PTBP2: variants seen among roughly 807,000 people sequenced by gnomAD.
PTBP2 encodes polypyrimidine tract binding protein 2.
In PTBP2, 13 loss-of-function variants were observed where a neutral mutation model predicts 61.4. The observed-to-expected ratio is 0.21, with a 90% CI of 0.14 to 0.34. The LOEUF (loss-of-function observed/expected upper bound fraction) is 0.34. PTBP2 is among the 10% of genes least tolerant of loss of function. The pLI is 1.00. For missense variants in PTBP2, 405 were observed against 642.6 expected (o/e 0.63, Z 4.00); for synonymous variants, 215 against 218.5 (o/e 0.98, Z 0.14).
chr1:96,758,390 C>T (rs187688504), intron 3 of PTBP2, among the ~76,000 whole-genome samples: 1 of 151,952 alleles, frequency 6.6e-6, no homozygotes, highest in Non-Finnish European at 1.5e-5. Flanking sequence ...GGAATACTAC[C>T]CTGTTCACTT....
chr1:96,823,171 G>A (rs550521163), exon 14 of PTBP2: 4 of 152,436 alleles, frequency 2.6e-5, no homozygotes, highest in Non-Finnish European at 5.9e-5. Flanking sequence ...ATGTTGGCCA[G>A]GCTGGTCTCG....
intron 2 of PTBP2, among the ~76,000 whole-genome samples, chr1:96,736,531 T>A (rs990770824): frequency 1.3e-5 from 2 of 152,156 alleles, no homozygotes; most frequent in Admixed American, 6.6e-5. Flanking sequence ...TAAGTTGATC[T>A]TCTACTTAAT....
At chr1:96,729,333 A>G (rs979810827) in intron 2 of PTBP2, among the ~76,000 whole-genome samples, 10 of 152,000 alleles carry the variant, frequency 6.6e-5, no homozygotes, top group African/African-American at 1.5e-4. Flanking sequence ...ATGCCATTAA[A>G]TTTTCTACAT....
chr1:96,783,049 T>C (rs1658867144), intron 7 of PTBP2, among the ~76,000 whole-genome samples: 1 of 152,034 alleles, frequency 6.6e-6, no homozygotes, highest in Admixed American at 6.6e-5. Context: ...AAATCTTTGC[T>C]CCAACAAGAT....
intron 2 of PTBP2, among the ~76,000 whole-genome samples, chr1:96,732,219 A>T (rs1023025199): frequency 3.9e-5 from 6 of 152,192 alleles, no homozygotes; most frequent in Admixed American, 2.0e-4. Context: ...AAATAATGCT[A>T]AATGTAACTT....
chr1:96,799,900 A>T (rs1304685267), intron 8 of PTBP2, among the ~76,000 whole-genome samples: 5 of 152,216 alleles, frequency 3.3e-5, no homozygotes, highest in Non-Finnish European at 5.9e-5. Flanking sequence ...AGTTTTTCAG[A>T]CAAAAGTATA....
intron 3 of PTBP2, among the ~76,000 whole-genome samples, chr1:96,764,910 A>G (rs767806142): frequency 1.3e-5 from 2 of 152,154 alleles, no homozygotes; most frequent in Non-Finnish European, 2.9e-5. Context: ...ACTACACCAC[A>G]CAACTACTTG....
chr1:96,812,468 T>A (rs887512356), intron 11 of PTBP2, among the ~76,000 whole-genome samples: 6 of 152,158 alleles, frequency 3.9e-5, no homozygotes, highest in Middle Eastern at 3.2e-3. Flanking sequence ...AGCAGGATTG[T>A]TGAGGAAGAT....
chr1:96,753,821 G>C (rs182561371), intron 3 of PTBP2, among the ~76,000 whole-genome samples: 1 of 152,260 alleles, frequency 6.6e-6, no homozygotes, highest in East Asian at 1.9e-4. Flanking sequence ...GGAACTAGTA[G>C]CAGATTGGAG....
At chr1:96,820,764 AAATT>A (rs1662661104) in exon 14 of PTBP2, 1 of 152,126 alleles carries the variant, frequency 6.6e-6, no homozygotes, top group Non-Finnish European at 1.5e-5. Context: ...GCCTTTTAAG[AAATT>A]AATTCTATCC....
chr1:96,752,417 A>G (rs2100917065), intron 3 of PTBP2, among the ~76,000 whole-genome samples: 1 of 152,298 alleles, frequency 6.6e-6, no homozygotes, highest in Middle Eastern at 3.4e-3. Context: ...TAATGTATAC[A>G]TACATCTTGA....
intron 3 of PTBP2, among the ~76,000 whole-genome samples, chr1:96,754,304 T>C (rs1344302061): frequency 6.6e-6 from 1 of 152,180 alleles, no homozygotes; most frequent in Non-Finnish European, 1.5e-5. Flanking sequence ...AAAAGGGCTC[T>C]CTCTTTTCCT....
intron 5 of PTBP2, among the ~76,000 whole-genome samples, chr1:96,772,185 C>G (rs992932685): frequency 2.0e-5 from 3 of 152,080 alleles, no homozygotes; most frequent in Non-Finnish European, 4.4e-5. Flanking sequence ...CCCACAACCC[C>G]CTTTTTGGAT....
In PTBP2 at chr1:96,806,885, G is replaced by C. The variant is rs778324764; in HGVS notation, c.1098G>C (p.Gln366His). The C allele has an allele frequency of 3.7e-6, 6 of 1,611,408 alleles. No individual in the cohort carries two copies. In the East Asian group the frequency reaches 1.1e-4, roughly 30 times the overall value. Reference sequence around the variant, plus strand: ...AAAAAGGTGTTTATGGAGATGTGCAGCGTGTGAAGATTTTATACAATAAGA... The same window carrying C: ...AAAAAGGTGTTTATGGAGATGTGCACCGTGTGAAGATTTTATACAATAAGA... ...FTLFGVYGDV[Q>H]RVKILYNKKD... The change falls in exon 11 of 14, where the codon CAG becomes CAC. Residue 366 changes from glutamine (Q) to histidine (H), a missense_variant. Coordinates refer to ENST00000674951, the MANE Select transcript of PTBP2 (RefSeq NM_021190.4).
chr1:96,757,728 A>G (rs561476992), intron 3 of PTBP2, among the ~76,000 whole-genome samples: 3 of 152,208 alleles, frequency 2.0e-5, no homozygotes, highest in South Asian at 4.1e-4. Flanking sequence ...CAGCTAATGT[A>G]TCTGACTGAC....
chr1:96,749,209 T>TAA (rs373586355), intron 2 of PTBP2, among the ~76,000 whole-genome samples: 44,140 of 151,764 alleles, frequency 0.29, 7,089 homozygotes, highest in South Asian at 0.44. Context: ...CTTGCTTTTC[T>TAA]ACTTGAGTAG....
intron 2 of PTBP2, among the ~76,000 whole-genome samples, chr1:96,734,071 G>A (rs1345628348): frequency 6.6e-6 from 1 of 152,132 alleles, no homozygotes; most frequent in Non-Finnish European, 1.5e-5. Flanking sequence ...CACTTTAAAA[G>A]TAATAAGGTG....
chr1:96,727,807 A>G lies in PTBP2; in HGVS notation c.39+4213A>G, dbSNP rs112414141. The stretch of plus-strand genomic sequence containing the variant: ...TCCTTTATCAGCCATAAGGCCTGCA[A>G]ATATTTTCTGCCACTCATCTTCTTA... On this transcript the variant is annotated intron_variant, in intron 2 of 13. Coordinates refer to ENST00000674951, the MANE Select transcript of PTBP2 (RefSeq NM_021190.4). Among the ~76,000 whole-genome samples, 75 of 152,016 alleles carry G rather than the reference A, an allele frequency of 4.9e-4. 2 individuals carry two copies. Among genetic ancestry groups the G allele is most frequent in the Non-Finnish European group, 1.8e-4 (12 of 68,004 alleles).
intron 7 of PTBP2, among the ~76,000 whole-genome samples, chr1:96,778,599 T>C (rs1658306286): frequency 6.6e-6 from 1 of 152,138 alleles, no homozygotes; most frequent in African/African-American, 2.4e-5. Context: ...CTCTGTCTCT[T>C]TAACTTTTTG....
Sources: gnomAD v4.1 joint callset for allele counts (sites outside exome capture counted in the v4.1 genomes callset) on GRCh38, gnomAD v4.1.1 for gene constraint, MANE v1.5 for transcripts, NCBI Gene and HGNC (gene_info 2026-07-23, HGNC 2026-07-21) for gene names.